EDN1: variants seen among roughly 807,000 people sequenced by gnomAD.
EDN1 encodes the protein endothelin-1.
Under a neutral mutation model 21.7 loss-of-function variants are expected in EDN1, and 11 were observed. That is an observed-to-expected ratio of 0.51 (90% CI 0.32 to 0.84). The LOEUF (loss-of-function observed/expected upper bound fraction) is 0.84, where lower values mean the gene tolerates loss of function less well. Among genes scored for constraint, EDN1 ranks in the 40% least tolerant of loss-of-function variants. The pLI is 0.03. For synonymous variants in EDN1, 85 were observed against 90.6 expected (o/e 0.94, Z 0.35); for missense variants, 244 against 262.3 (o/e 0.93, Z 0.48).
the EDN1 span, among the ~76,000 whole-genome samples, chr6:12,252,735 T>C: frequency 4.5e-4 from 68 of 152,298 alleles, no homozygotes; most frequent in African/African-American, 1.6e-3. Context: ...TTTATGTCTT[T>C]TTTTTCATGT....
the EDN1 span, among the ~76,000 whole-genome samples, chr6:12,235,611 C>T: frequency 6.6e-6 from 1 of 152,136 alleles, no homozygotes; most frequent in African/African-American, 2.4e-5. Context: ...GCTCTCACTC[C>T]GAATTTCTTA....
upstream of EDN1, among the ~76,000 whole-genome samples, chr6:12,287,423 T>C (rs12203731): frequency 6.6e-6 from 1 of 151,824 alleles, no homozygotes. Flanking sequence ...GTAAAACTGG[T>C]TTGTTGGGGT....
chr6:12,256,075 G>T, the EDN1 span, among the ~76,000 whole-genome samples: 2 of 152,218 alleles, frequency 1.3e-5, no homozygotes, highest in Non-Finnish European at 2.9e-5. Flanking sequence ...GGCCAGTGCA[G>T]TAGCTCACGC....
At chr6:12,292,282 A>G in intron 1 of EDN1, 59 bp from the exon 2 acceptor site, 2 of 1,606,062 alleles carry the variant, frequency 1.2e-6, no homozygotes, top group Non-Finnish European at 1.7e-6. Context: ...ACTGTGATCC[A>G]GCATGTCTCT....
the EDN1 span, among the ~76,000 whole-genome samples, chr6:12,269,700 C>T: frequency 0.23 from 35,420 of 151,924 alleles, 4,838 homozygotes; most frequent in East Asian, 0.56. Context: ...CTGTTGAATT[C>T]AGCTTGCTAG....
At chr6:12,268,857 A>G in the EDN1 span, among the ~76,000 whole-genome samples, 1 of 152,042 alleles carries the variant, frequency 6.6e-6, no homozygotes, top group Non-Finnish European at 1.5e-5. Flanking sequence ...GTGAAATATA[A>G]TTTTGTGAAA....
At chr6:12,284,179 G>A in the EDN1 span, among the ~76,000 whole-genome samples, 1,370 of 152,280 alleles carry the variant, frequency 9.0e-3, 7 homozygotes, top group Middle Eastern at 0.014. Context: ...TGCACATCAC[G>A]TTAGAGAAAA....
At chr6:12,273,809 T>C in the EDN1 span, among the ~76,000 whole-genome samples, 15 of 152,106 alleles carry the variant, frequency 9.9e-5, no homozygotes, top group African/African-American at 2.9e-4. Context: ...CTTTCAGAGA[T>C]ACTGGAGAAT....
At chr6:12,269,100 G>A in the EDN1 span, among the ~76,000 whole-genome samples, 1 of 151,978 alleles carries the variant, frequency 6.6e-6, no homozygotes, top group African/African-American at 2.4e-5. Context: ...TAGCATAAAT[G>A]AGATTGCTTC....
the EDN1 span, among the ~76,000 whole-genome samples, chr6:12,265,597 A>G: frequency 1.3e-5 from 2 of 152,196 alleles, no homozygotes; most frequent in Non-Finnish European, 2.9e-5. Context: ...TGGCATCTTG[A>G]TCCTGGGCTT....
the EDN1 span, among the ~76,000 whole-genome samples, chr6:12,279,856 G>A: frequency 2.0e-5 from 3 of 152,164 alleles, no homozygotes; most frequent in African/African-American, 7.2e-5. Context: ...AAAATGTGCA[G>A]TAAAAATTAA....
the EDN1 span, among the ~76,000 whole-genome samples, chr6:12,260,983 C>CT: frequency 6.6e-6 from 1 of 152,188 alleles, no homozygotes; most frequent in Non-Finnish European, 1.5e-5. Flanking sequence ...ATGACAAAAG[C>CT]TATAAACATT....
chr6:12,245,817 G>A, the EDN1 span, among the ~76,000 whole-genome samples: 1 of 152,228 alleles, frequency 6.6e-6, no homozygotes, highest in Non-Finnish European at 1.5e-5. Context: ...GTGTTGAAGG[G>A]AAAGAGGCTG....
the EDN1 span, among the ~76,000 whole-genome samples, chr6:12,284,516 GGAAGGAAGGAAA>G: frequency 6.8e-6 from 1 of 146,622 alleles, no homozygotes; most frequent in African/African-American, 2.5e-5. Context: ...AAGGAAGGAA[GGAAGGAAGGAAA>G]GAAGGAAGGA....
chr6:12,238,441 A>G, the EDN1 span, among the ~76,000 whole-genome samples: 1 of 152,162 alleles, frequency 6.6e-6, no homozygotes, highest in Non-Finnish European at 1.5e-5. Context: ...GGGGGATATT[A>G]GGCACCATAG....
chr6:12,271,422 GATA>G, the EDN1 span, among the ~76,000 whole-genome samples: 5 of 152,074 alleles, frequency 3.3e-5, no homozygotes, highest in African/African-American at 1.2e-4. Context: ...ATTTTTAGCT[GATA>G]ATAATAAACT....
the EDN1 span, among the ~76,000 whole-genome samples, chr6:12,238,089 T>C: frequency 6.7e-6 from 1 of 150,278 alleles, no homozygotes; most frequent in South Asian, 2.1e-4. Context: ...AGAGAATCAC[T>C]TGAACCCGGG....
At chr6:12,247,810 A>C in the EDN1 span, among the ~76,000 whole-genome samples, 2 of 152,162 alleles carry the variant, frequency 1.3e-5, no homozygotes, top group Admixed American at 1.3e-4. Flanking sequence ...AAGTGCTGGG[A>C]TTACAGGTGT....
the EDN1 span, among the ~76,000 whole-genome samples, chr6:12,238,288 C>T: frequency 1.3e-5 from 2 of 151,890 alleles, no homozygotes; most frequent in Non-Finnish European, 2.9e-5. Context: ...GGGATGTAGG[C>T]GTTCCTCTGG....
Sources: allele counts gnomAD v4.1 joint callset (sites outside exome capture counted in the v4.1 genomes callset), GRCh38; gene constraint gnomAD v4.1.1; transcripts MANE v1.5; gene names NCBI Gene and HGNC (gene_info 2026-07-23, HGNC 2026-07-21).